LEMD3: variants seen among roughly 807,000 people sequenced by gnomAD.
The protein encoded by LEMD3 is inner nuclear membrane protein Man1.
A neutral mutation model predicts 95.2 loss-of-function variants in LEMD3; 33 were observed. The observed-to-expected ratio is 0.35, with a 90% CI of 0.26 to 0.46. LEMD3 has a LOEUF of 0.46. Ranked by LOEUF, LEMD3 falls within the 20% of genes least tolerant of loss-of-function variation. The pLI is 1.00. For synonymous variants in LEMD3, 525 were observed against 474.6 expected, an observed-to-expected ratio of 1.11 and a Z score of -1.38; for missense variants, 1,210 against 1,192.8, an observed-to-expected ratio of 1.01 and a Z score of -0.21.
chr12:65,230,867 C>T (rs994951681), intron 4 of LEMD3, among the ~76,000 whole-genome samples: 1 of 152,176 alleles, frequency 6.6e-6, no homozygotes, highest in African/African-American at 2.4e-5. Context: ...TTTTCTCATT[C>T]AGTATGCTGT....
At chr12:65,182,784 A>C (rs1046190697) in intron 1 of LEMD3, among the ~76,000 whole-genome samples, 3 of 152,164 alleles carry the variant, frequency 2.0e-5, no homozygotes, top group Non-Finnish European at 4.4e-5. Flanking sequence ...AACATTTTTT[A>C]AGAATGAGGA....
At position 65,223,833 on chromosome 12, in the gene LEMD3, C is replaced by CTT. The variant is rs71278238; in HGVS notation, c.1695+5227_1695+5228dup. On this transcript the variant is annotated intron_variant, in intron 4 of 12. Coordinates refer to ENST00000308330, the MANE Select transcript of LEMD3 (RefSeq NM_014319.5). ...TTCCATATCTTACTCTTTTTTGTGT[C>CTT]TTTTTTTTTTTTTTGTAGTGACAAG... 3.8e-3 allele frequency among the ~76,000 whole-genome samples: 477 copies of CTT among 125,692 alleles called. 4 individuals carry two copies. Among genetic ancestry groups the CTT allele is most frequent in the African/African-American group, 7.7e-3 (259 of 33,642 alleles). 82.5% of individuals were successfully genotyped at this position (125,692 alleles called of 152,430 possible). A position where few individuals can be genotyped will look rare whatever the true frequency, so the allele number is the denominator to read the frequency against.
intron 1 of LEMD3, among the ~76,000 whole-genome samples, chr12:65,186,633 T>C (rs1021233973): frequency 8.0e-6 from 1 of 125,122 alleles, no homozygotes; most frequent in African/African-American, 2.8e-5. Flanking sequence ...TTAGATTGCT[T>C]TTTTTTTTTT....
chr12:65,181,217 C>T (rs1200154165), intron 1 of LEMD3, among the ~76,000 whole-genome samples: 1 of 152,090 alleles, frequency 6.6e-6, no homozygotes, highest in African/African-American at 2.4e-5. Flanking sequence ...TAAGGACTTC[C>T]TTAGTTTATA....
chr12:65,247,744 A>G lies in LEMD3; in HGVS notation c.*1419A>G, dbSNP rs1191139279. 6.6e-6 allele frequency: 1 copy of G among 152,592 alleles called. No homozygotes were observed. The highest frequency in any genetic ancestry group is 2.4e-5 in the African/African-American group (1 of 41,444). 9.5% of individuals were successfully genotyped at this position (152,592 alleles called of 1,614,324 possible). A position where few individuals can be genotyped will look rare whatever the true frequency, so the allele number is the denominator to read the frequency against. On this transcript the variant is annotated 3_prime_UTR_variant, in exon 13 of 13. Transcript: ENST00000308330. ...CGTTGGGTTTGCAGCATGAACTTGC[A>G]CAGATAATGCACGTTTTCTGGTTAA...
At chr12:65,219,689 G>A (rs887373615) in intron 4 of LEMD3, among the ~76,000 whole-genome samples, 1 of 152,112 alleles carries the variant, frequency 6.6e-6, no homozygotes, top group Non-Finnish European at 1.5e-5. Flanking sequence ...AAACTCTATA[G>A]CCATTGCACA....
intron 4 of LEMD3, among the ~76,000 whole-genome samples, 167 bp from the exon 5 acceptor site, chr12:65,238,335 C>G (rs1870830000): frequency 6.6e-6 from 1 of 151,954 alleles, no homozygotes; most frequent in Non-Finnish European, 1.5e-5. Flanking sequence ...TGGGAAAATG[C>G]TAACTTTTTT....
At position 65,238,798 on chromosome 12, in the gene LEMD3, A is replaced by G. The variant is rs2136353980; in HGVS notation, c.1905A>G (p.Leu635=). 1 of 1,614,022 alleles carries G rather than the reference A, an allele frequency of 6.2e-7. No homozygotes were observed. ...CTTTTGTTACTGTAACTCACAGATTATTGTTGTTATGCTTAGGTAAGTTGT... is the reference window on the plus strand; with the variant it reads ...CTTTTGTTACTGTAACTCACAGATTGTTGTTGTTATGCTTAGGTAAGTTGT... ...RRAFVTVTHR[L]LLLCLGVVMV... is the part of the protein sequence containing the mutation. Residue 635 remains leucine (L), a synonymous_variant, in exon 6 of 13, where the codon TTA becomes TTG. Transcript: ENST00000308330.
rs750988811 is a variant in LEMD3, at chr12:65,170,483, C to T, written c.887C>T (p.Pro296Leu). Residue 296 changes from proline to leucine, a missense_variant, in exon 1 of 13, where the codon CCG (proline) becomes CTG (leucine). Coordinates refer to ENST00000308330, the MANE Select transcript of LEMD3 (RefSeq NM_014319.5). ...CGAACCCATAGTAAGCCTCTCCCCC[C>T]GCTGACTGCTAAATCGGCCGGCGGC... ...PRRTHSKPLP[P>L]LTAKSAGGRL... The T allele has an allele frequency of 2.5e-6, 4 of 1,614,004 alleles. No homozygotes were observed. The highest frequency in any genetic ancestry group is 2.2e-5 in the South Asian group (2 of 91,082).
At chr12:65,178,834 TGATA>T (rs1868812017) in intron 1 of LEMD3, among the ~76,000 whole-genome samples, 1 of 152,240 alleles carries the variant, frequency 6.6e-6, no homozygotes, top group Non-Finnish European at 1.5e-5. Flanking sequence ...AATAAGGACT[TGATA>T]TATGTTCTCT....
At chr12:65,180,954 C>T (rs1378374196) in intron 1 of LEMD3, among the ~76,000 whole-genome samples, 2 of 145,588 alleles carry the variant, frequency 1.4e-5, no homozygotes, top group Non-Finnish European at 2.9e-5. Flanking sequence ...AATTTTGTTT[C>T]TCAGTTAGCT....
chr12:65,244,111 C>A (rs1190431178), intron 10 of LEMD3, among the ~76,000 whole-genome samples: 1 of 152,128 alleles, frequency 6.6e-6, no homozygotes, highest in African/African-American at 2.4e-5. Flanking sequence ...AGATCAAATT[C>A]TGTTTGTTTT....
At chr12:65,177,669 G>A (rs7312160) in intron 1 of LEMD3, among the ~76,000 whole-genome samples, 32 of 152,244 alleles carry the variant, frequency 2.1e-4, no homozygotes, top group African/African-American at 7.5e-4. Context: ...ATGTGTTGTT[G>A]TTTTCTTTAA....
chr12:65,241,233 T>G, intron 9 of LEMD3, 146 bp downstream of exon 9: 2 of 675,598 alleles, frequency 3.0e-6, no homozygotes, highest in Non-Finnish European at 5.2e-6. Context: ...TGTTAGCTTC[T>G]TATGTATCCT....
In LEMD3 at chr12:65,246,290, C is replaced by A; in HGVS notation, c.2701C>A (p.Arg901=). The A allele has an allele frequency of 6.2e-7, 1 of 1,613,576 alleles. No individual in the cohort carries two copies. ...HMNSMSHLRL[R]TGLTNSQGSS ...GAACTCCATGTCTCATCTTCGTCTT[C>A]GGACTGGCCTAACCAATTCTCAAGG... Residue 901 remains arginine (R), a synonymous_variant, in exon 13 of 13, where the codon CGG becomes AGG. Coordinates refer to ENST00000308330, the MANE Select transcript of LEMD3 (RefSeq NM_014319.5).
chr12:65,214,840 A>G lies in LEMD3; in HGVS notation c.1561-1137A>G, dbSNP rs915317508. Among the ~76,000 whole-genome samples the G allele has an allele frequency of 3.3e-5, 5 of 151,958 alleles. No individual in the cohort carries two copies. In the East Asian group the frequency reaches 9.6e-4, roughly 29 times the overall value. The stretch of plus-strand genomic sequence containing the variant: ...CCCCCTCCCCACCCTACCCTCCATC[A>G]TTTATGTCGATCCCTCCTGATCGTA... On this transcript the variant is annotated intron_variant, in intron 2 of 12. Transcript: ENST00000308330.
At chr12:65,185,959 A>T (rs1005252049) in intron 1 of LEMD3, among the ~76,000 whole-genome samples, 2 of 152,058 alleles carry the variant, frequency 1.3e-5, no homozygotes, top group Admixed American at 1.3e-4. Context: ...CAGTAGCTCT[A>T]TGGTAGAGAC....
intron 4 of LEMD3, among the ~76,000 whole-genome samples, chr12:65,232,808 G>C (rs1328668416): frequency 1.3e-5 from 2 of 152,146 alleles, no homozygotes; most frequent in Non-Finnish European, 2.9e-5. Flanking sequence ...ATAATGTAAT[G>C]AATGGGTTTA....
chr12:65,229,048 CT>C (rs1447411455), intron 4 of LEMD3, among the ~76,000 whole-genome samples: 2 of 152,258 alleles, frequency 1.3e-5, no homozygotes, highest in East Asian at 3.9e-4. Flanking sequence ...ATGAGATCAA[CT>C]TTTTAGTTTC....
Sources: allele counts gnomAD v4.1 joint callset (sites outside exome capture counted in the v4.1 genomes callset), GRCh38; gene constraint gnomAD v4.1.1; transcripts MANE v1.5; gene names NCBI Gene and HGNC (gene_info 2026-07-23, HGNC 2026-07-21).